The following MGAT5 variants were observed in gnomAD, a reference collection of about 807,000 sequenced individuals.
MGAT5 encodes the protein alpha-1,6-mannosylglycoprotein 6-beta-N-acetylglucosaminyltransferase A.
Under a neutral mutation model 94.3 loss-of-function variants are expected in MGAT5, and 30 were observed. That is an observed-to-expected ratio of 0.32 (90% CI 0.24 to 0.43). MGAT5 has a LOEUF of 0.43. Ranked by LOEUF, MGAT5 falls within the 20% of genes least tolerant of loss-of-function variation. The pLI is 1.00. For synonymous variants in MGAT5, 310 were observed against 322.9 expected (o/e 0.96, Z 0.43); for missense variants, 691 against 905.5 (o/e 0.76, Z 3.04).
At position 134,366,610 on chromosome 2, in the gene MGAT5, G is replaced by A. The variant is rs924178294; in HGVS notation, c.1380+4202G>A. Among the ~76,000 whole-genome samples, 25 of 152,204 alleles carry A rather than the reference G, an allele frequency of 1.6e-4. 1 individual carries two copies. Among genetic ancestry groups the A allele is most frequent in the Admixed American group, 5.9e-4 (9 of 15,290 alleles). ...TCAGGTTCCTAGCCTGTAAAGTTGC[G>A]GCAGTAATAGCTGATGGCTTCTCAG... is the stretch of plus-strand genomic sequence containing the variant. On this transcript the variant is annotated intron_variant, in intron 10 of 15. Transcript: ENST00000281923.
chr2:134,453,104 T>C lies in MGAT5; in HGVS notation c.*4257T>C, dbSNP rs1686188078. On this transcript the variant is annotated 3_prime_UTR_variant, in exon 16 of 16. Transcript: ENST00000281923. ...AGCCCTAGTAAATGTTAAATATTGT[T>C]ATTAGTGTTTCGTAAAACTTGAGAA... The C allele has an allele frequency of 6.6e-6, 1 of 152,244 alleles. No homozygotes were observed. The highest frequency in any genetic ancestry group is 1.5e-5 in the Non-Finnish European group (1 of 68,044). 9.4% of individuals were successfully genotyped at this position (152,244 alleles called of 1,614,324 possible). A position where few individuals can be genotyped will look rare whatever the true frequency, so the allele number is the denominator to read the frequency against.
chr2:134,176,113 T>C (rs1228219303), intron 1 of MGAT5, among the ~76,000 whole-genome samples: 1 of 152,080 alleles, frequency 6.6e-6, no homozygotes, highest in East Asian at 1.9e-4. Context: ...GACTACTGTT[T>C]ACAGAGAGAG....
At chr2:134,155,428 C>G (rs913877718) in intron 1 of MGAT5, among the ~76,000 whole-genome samples, 1 of 152,202 alleles carries the variant, frequency 6.6e-6, no homozygotes, top group African/African-American at 2.4e-5. Flanking sequence ...CAGTCCTTAA[C>G]TAGGTCTGAC....
At chr2:134,318,251 T>C (rs1463846773) in intron 3 of MGAT5, among the ~76,000 whole-genome samples, 1 of 152,140 alleles carries the variant, frequency 6.6e-6, no homozygotes, top group Non-Finnish European at 1.5e-5. Context: ...CGTGCCCTCC[T>C]TCACGCACTG....
chr2:134,335,213 C>CAT (rs10630408), intron 4 of MGAT5, among the ~76,000 whole-genome samples: 147,668 of 152,204 alleles, frequency 0.97, 71,703 homozygotes, highest in East Asian at 1. Flanking sequence ...TAGCTCCACA[C>CAT]GTCTCTGCTA....
intron 1 of MGAT5, among the ~76,000 whole-genome samples, chr2:134,174,914 A>G (rs948149238): frequency 1.3e-5 from 2 of 152,174 alleles, no homozygotes; most frequent in African/African-American, 4.8e-5. Context: ...GCATGTCAGT[A>G]TCTCATCTCA....
chr2:134,256,555 T>C (rs2460383), intron 1 of MGAT5, among the ~76,000 whole-genome samples: 114,989 of 151,842 alleles, frequency 0.76, 43,670 homozygotes, highest in African/African-American at 0.77. Flanking sequence ...GAAAATCTCA[T>C]AGGGAAGGCT....
chr2:134,202,798 G>A (rs1268900521), intron 1 of MGAT5, among the ~76,000 whole-genome samples: 1 of 152,146 alleles, frequency 6.6e-6, no homozygotes. Context: ...CGTGCAGAAT[G>A]CAAGTCACAG....
chr2:134,378,568 G>A (rs1279100910), intron 10 of MGAT5, among the ~76,000 whole-genome samples: 1 of 150,842 alleles, frequency 6.6e-6, no homozygotes, highest in African/African-American at 2.4e-5. Flanking sequence ...GTTCTCGATC[G>A]TTAAATCAGA....
At chr2:134,277,285 T>A (rs892586265) in intron 2 of MGAT5, among the ~76,000 whole-genome samples, 3 of 152,056 alleles carry the variant, frequency 2.0e-5, no homozygotes, top group Non-Finnish European at 4.4e-5. Context: ...ATTAGTCCAT[T>A]TTTACAGTGC....
chr2:134,264,547 G>T (rs1253319619), intron 1 of MGAT5, among the ~76,000 whole-genome samples: 2 of 152,084 alleles, frequency 1.3e-5, no homozygotes, highest in East Asian at 1.9e-4. Flanking sequence ...GTAATTTCCA[G>T]TTCTTATCTG....
At chr2:134,257,964 AAAG>A (rs1163838652) in intron 1 of MGAT5, among the ~76,000 whole-genome samples, 1 of 151,676 alleles carries the variant, frequency 6.6e-6, no homozygotes, top group Admixed American at 6.6e-5. Context: ...AATCCAGCAA[AAAG>A]AAGAAAAAAA....
Position 134,226,320 on chromosome 2 carries a change from T to C in MGAT5, c.-142-27942T>C, listed in dbSNP as rs187818144. 3.3e-5 allele frequency among the ~76,000 whole-genome samples: 5 copies of C among 152,364 alleles called. No homozygotes were observed. In the East Asian group the frequency reaches 9.6e-4, roughly 29 times the overall value. ...TCTTAAGAATTTTGCAGAAGAGAGA[T>C]GCAATAACCATATAACATATCTCCT... is the stretch of plus-strand genomic sequence containing the variant. On this transcript the variant is annotated intron_variant, in intron 1 of 16. Transcript: ENST00000409645.
chr2:134,206,671 A>T (rs112095882), intron 1 of MGAT5, among the ~76,000 whole-genome samples: 1 of 152,196 alleles, frequency 6.6e-6, no homozygotes, highest in African/African-American at 2.4e-5. Flanking sequence ...GATTGTCAAG[A>T]TGGGCCCTAA....
At chr2:134,442,798 A>T (rs908937575) in intron 15 of MGAT5, among the ~76,000 whole-genome samples, 10 of 152,174 alleles carry the variant, frequency 6.6e-5, no homozygotes, top group Non-Finnish European at 4.4e-5. Flanking sequence ...TTGCATAATT[A>T]TCTAGCCTCC....
At chr2:134,153,200 G>T (rs775731376) in intron 1 of MGAT5, among the ~76,000 whole-genome samples, 8 of 152,130 alleles carry the variant, frequency 5.3e-5, no homozygotes, top group African/African-American at 1.9e-4. Flanking sequence ...GATTACTGGC[G>T]TGAGCCACCA....
chr2:134,332,637 C>G (rs1437384860), intron 4 of MGAT5, among the ~76,000 whole-genome samples: 2 of 152,066 alleles, frequency 1.3e-5, no homozygotes, highest in African/African-American at 4.8e-5. Context: ...AAACTACCAT[C>G]AGAGTGAACA....
intron 8 of MGAT5, 55 bp downstream of exon 8, chr2:134,345,119 G>T: frequency 6.4e-7 from 1 of 1,567,292 alleles, no homozygotes; most frequent in Non-Finnish European, 8.7e-7. Context: ...CTTAACAAAG[G>T]TTGCATGGTT....
intron 10 of MGAT5, among the ~76,000 whole-genome samples, chr2:134,364,748 G>T (rs1335647923): frequency 6.6e-6 from 1 of 152,132 alleles, no homozygotes; most frequent in Non-Finnish European, 1.5e-5. Flanking sequence ...AGCATTCTGT[G>T]CTGGAAAAAG....
Sources: gnomAD v4.1 joint callset for allele counts (sites outside exome capture counted in the v4.1 genomes callset) on GRCh38, gnomAD v4.1.1 for gene constraint, MANE v1.5 for transcripts, NCBI Gene and HGNC (gene_info 2026-07-23, HGNC 2026-07-21) for gene names.